Variants in AFF2 observed in about 807,000 individuals in gnomAD.
AFF2 encodes the protein AF4/FMR2 family member 2.
A neutral mutation model predicts 76.9 loss-of-function variants in AFF2; 14 were observed. The observed-to-expected ratio is 0.18, with a 90% confidence interval of 0.12 to 0.28. The LOEUF is 0.28. Among genes scored for constraint, AFF2 ranks in the 10% least tolerant of loss-of-function variants. The pLI, the probability that AFF2 is intolerant of heterozygous loss-of-function variation, is 1.00. For missense variants in AFF2, 868 were observed against 1,001.1 expected, an observed-to-expected ratio of 0.87 and a Z score of 1.79; for synonymous variants, 398 against 366.7, an observed-to-expected ratio of 1.09 and a Z score of -0.98.
intron 3 of AFF2, among the ~76,000 whole-genome samples, chrX:148,782,697 A>G (rs782271476): frequency 1.4e-4 from 16 of 111,724 alleles, no homozygotes; most frequent in Non-Finnish European, 2.1e-4. Context: ...TTTATTAGTG[A>G]CATGCCCTTT....
intron 3 of AFF2, among the ~76,000 whole-genome samples, chrX:148,673,620 G>A (rs181409944): frequency 7.3e-4 from 82 of 112,045 alleles, no homozygotes; most frequent in Non-Finnish European, 1.3e-3. Context: ...CTGAGGTACT[G>A]AGTGGACATG....
At chrX:148,595,179 C>T (rs2053561057) in intron 1 of AFF2, among the ~76,000 whole-genome samples, 1 of 111,972 alleles carries the variant, frequency 8.9e-6, no homozygotes. Context: ...ATAACTTCCA[C>T]CTTAATATTT....
chrX:148,606,776 TA>T (rs1315068264), intron 1 of AFF2, among the ~76,000 whole-genome samples: 1 of 111,908 alleles, frequency 8.9e-6, no homozygotes, highest in African/African-American at 3.2e-5. Flanking sequence ...ATCATGATTA[TA>T]AACGTCAAAT....
At chrX:148,928,353 A>G (rs2071676497) in intron 9 of AFF2, among the ~76,000 whole-genome samples, 1 of 112,610 alleles carries the variant, frequency 8.9e-6, no homozygotes, top group Non-Finnish European at 1.9e-5. Flanking sequence ...AAAAGGTAGA[A>G]ACTTCTGCCA....
At chrX:148,948,156 G>C (rs782010056) in intron 9 of AFF2, among the ~76,000 whole-genome samples, 15 of 112,480 alleles carry the variant, frequency 1.3e-4, no homozygotes, top group African/African-American at 4.2e-4. Context: ...GAATCAAACA[G>C]CACTGGTGCA....
rs782327524 is a variant in AFF2, at chrX:148,809,825, CAAG to C, written c.1042-41_1042-39del. On this transcript the variant is annotated intron_variant, in intron 3 of 20. Transcript: ENST00000370460. ...TTGTCCTACAGAGTAAACTATTATA[CAAG>C]AAGAAGAAGTAGATTGTGCCTAATG... 178 of 1,146,840 alleles carry C rather than the reference CAAG, an allele frequency of 1.6e-4. No homozygotes were observed. The East Asian group carries it at 4.8e-3, about 31-fold the overall frequency. The allele number at this position is 1,146,840 out of a possible 1,213,427, so 94.5% of individuals were successfully genotyped here.
At chrX:148,885,425 A>G (rs1557278952) in intron 7 of AFF2, among the ~76,000 whole-genome samples, 1 of 111,244 alleles carries the variant, frequency 9.0e-6, no homozygotes, top group Non-Finnish European at 1.9e-5. Context: ...GTGCAGGTTC[A>G]CTGTGCCTTT....
At chrX:148,986,271 C>T (rs782690028) in intron 19 of AFF2, among the ~76,000 whole-genome samples, 8 of 112,175 alleles carry the variant, frequency 7.1e-5, no homozygotes, top group African/African-American at 1.3e-4. Context: ...AAAATTGATG[C>T]GTTTGCCTGG....
intron 3 of AFF2, among the ~76,000 whole-genome samples, chrX:148,776,064 G>A (rs1344862663): frequency 1.8e-5 from 2 of 110,323 alleles, no homozygotes; most frequent in Non-Finnish European, 3.8e-5. Context: ...CTGTGTCCAT[G>A]TGTTCTCGTT....
intron 3 of AFF2, among the ~76,000 whole-genome samples, chrX:148,708,337 G>A (rs1557262568): frequency 8.9e-6 from 1 of 111,754 alleles, no homozygotes; most frequent in African/African-American, 3.3e-5. Context: ...CACTCCATTA[G>A]AGACAACTAC....
intron 7 of AFF2, among the ~76,000 whole-genome samples, chrX:148,879,090 G>A (rs782134658): frequency 1.9e-3 from 216 of 111,628 alleles, no homozygotes; most frequent in African/African-American, 6.2e-3. Flanking sequence ...TATTAGATTT[G>A]GCTTGTGTAT....
intron 20 of AFF2, among the ~76,000 whole-genome samples, chrX:148,989,712 G>A (rs1347411032): frequency 1.5e-4 from 17 of 112,364 alleles, no homozygotes; most frequent in Non-Finnish European, 1.9e-5. Flanking sequence ...GTATTTGCAC[G>A]TTTTTTACCC....
chrX:148,560,880 T>C (rs1745826801), intron 1 of AFF2, among the ~76,000 whole-genome samples: 1 of 111,487 alleles, frequency 9.0e-6, no homozygotes, highest in Non-Finnish European at 1.9e-5. Context: ...GCTCTAATGC[T>C]TTCTCTCTGG....
At chrX:148,573,782 G>A (rs1328883344) in intron 1 of AFF2, among the ~76,000 whole-genome samples, 1 of 111,341 alleles carries the variant, frequency 9.0e-6, no homozygotes, top group East Asian at 2.8e-4. Flanking sequence ...TTGAAGTGAA[G>A]CTAAAAGATA....
intron 1 of AFF2, among the ~76,000 whole-genome samples, chrX:148,591,896 G>T (rs781853964): frequency 7.1e-5 from 8 of 112,105 alleles, no homozygotes; most frequent in Admixed American, 5.7e-4. Flanking sequence ...TGTTTTCATC[G>T]AAAATGCAGC....
chrX:148,586,980 A>G (rs909371320), intron 1 of AFF2, among the ~76,000 whole-genome samples: 4 of 110,953 alleles, frequency 3.6e-5, no homozygotes, highest in Non-Finnish European at 7.6e-5. Context: ...ATTTTCTTCC[A>G]ACAAACATTT....
At chrX:148,581,235 TATACGTGTACACAC>T in intron 1 of AFF2, among the ~76,000 whole-genome samples, 1 of 73,564 alleles carries the variant, frequency 1.4e-5, no homozygotes, top group Non-Finnish European at 2.7e-5. Context: ...TACGTATACG[TATACGTGTACACAC>T]ATATACGTAT....
chrX:148,500,637 T>TGCCGCCGCTGCCGCCGCC lies in AFF2; in HGVS notation c.-453_-452insTGCCGCCGCCGCCGCCGC, dbSNP rs1557231523. The TGCCGCCGCTGCCGCCGCC allele has an allele frequency of 1.4e-5, 1 of 73,753 alleles. No individual in the cohort carries two copies. The highest frequency in any genetic ancestry group is 2.6e-5 in the Non-Finnish European group (1 of 38,085). The allele number at this position is 73,753 out of a possible 1,213,427, so 6.1% of individuals were successfully genotyped here. ...CCGCCGCCGCCGCCTGTGCAGCCGCTGCCGCCGCCGCCGCCGCCGCCGCCG... is the reference window on the plus strand; with the variant it reads ...CCGCCGCCGCCGCCTGTGCAGCCGCTGCCGCCGCTGCCGCCGCCGCCGCCGCCGCCGCCGCCGCCGCCG... On this transcript the variant is annotated 5_prime_UTR_variant, in exon 1 of 21. Coordinates refer to ENST00000370460, the MANE Select transcript of AFF2 (RefSeq NM_002025.4).
chrX:148,829,935 T>G (rs145980017), intron 4 of AFF2, among the ~76,000 whole-genome samples: 1 of 112,146 alleles, frequency 8.9e-6, no homozygotes, highest in Non-Finnish European at 1.9e-5. Context: ...TCAAATCTCT[T>G]TCATGTGAAA....
Sources: allele counts gnomAD v4.1 joint callset (sites outside exome capture counted in the v4.1 genomes callset), GRCh38; gene constraint gnomAD v4.1.1; transcripts MANE v1.5; gene names NCBI Gene and HGNC (gene_info 2026-07-23, HGNC 2026-07-21).